Variants in RERE observed in about 807,000 individuals in gnomAD.
RERE encodes the protein arginine-glutamic acid dipeptide repeats protein.
In RERE, 40 loss-of-function variants were observed where a neutral mutation model predicts 146.1. The ratio of observed to expected loss-of-function variants is 0.27; its 90% CI spans 0.21 to 0.36. The LOEUF is 0.36. Ranked by LOEUF, RERE falls within the 10% of genes least tolerant of loss-of-function variation. The pLI, the probability that RERE is intolerant of heterozygous loss-of-function variation, is 1.00. For synonymous variants in RERE, 1,003 were observed against 866.0 expected (o/e 1.16, Z -2.78); for missense variants, 1,933 against 2,138.7 (o/e 0.90, Z 1.90).
In RERE at chr1:8,644,486, C is replaced by T. The variant is rs555559421; in HGVS notation, c.325+11487G>A. 2.1e-4 allele frequency among the ~76,000 whole-genome samples: 32 copies of T among 152,266 alleles called. 1 individual carries two copies. In the South Asian group the frequency reaches 6.4e-3, roughly 31 times the overall value. On this transcript the variant is annotated intron_variant, in intron 2 of 22. Coordinates refer to ENST00000400908, the MANE Select transcript of RERE (RefSeq NM_001042681.2). The stretch of plus-strand genomic sequence containing the variant: ...TGAGCCACTCTAACAACACATTGCC[C>T]TTTGTGTTATGTGATCAATGTACAC...
intron 12 of RERE, among the ~76,000 whole-genome samples, chr1:8,368,265 A>G (rs1275929223): frequency 6.6e-6 from 1 of 151,962 alleles, no homozygotes; most frequent in East Asian, 1.9e-4. Context: ...AGGTCAGGAG[A>G]TTGAGACCAT....
chr1:8,714,841 G>A lies in RERE; in HGVS notation c.-144-58400C>T, dbSNP rs555281388. Among the ~76,000 whole-genome samples, 234 of 152,144 alleles carry A rather than the reference G, an allele frequency of 1.5e-3. 4 individuals are homozygous for A. Among genetic ancestry groups the A allele is most frequent in the African/African-American group, 5.3e-3 (222 of 41,530 alleles). ...AAAGAGAGACAATTATTAATTCCAGGAAAGAAGTTGTACAAGAAATGTAAT... is the reference window on the plus strand; with the variant it reads ...AAAGAGAGACAATTATTAATTCCAGAAAAGAAGTTGTACAAGAAATGTAAT... On this transcript the variant is annotated intron_variant, in intron 1 of 22. Transcript: ENST00000400908.
chr1:8,725,469 G>C (rs1391579782), intron 1 of RERE, among the ~76,000 whole-genome samples: 1 of 152,148 alleles, frequency 6.6e-6, no homozygotes. Flanking sequence ...AGGAGGCTGA[G>C]GCAGGAGAAT....
intron 6 of RERE, among the ~76,000 whole-genome samples, chr1:8,544,948 C>T (rs1424409180): frequency 6.6e-6 from 1 of 152,140 alleles, no homozygotes. Flanking sequence ...TTTTACAAAT[C>T]AACTCGTGAT....
chr1:8,729,208 G>A (rs1315436346), intron 1 of RERE, among the ~76,000 whole-genome samples: 2 of 140,632 alleles, frequency 1.4e-5, no homozygotes, highest in Non-Finnish European at 3.1e-5. Context: ...TTAGAAGTCA[G>A]CTACACCGAT....
intron 10 of RERE, among the ~76,000 whole-genome samples, chr1:8,489,196 A>G (rs1057410042): frequency 6.6e-6 from 1 of 151,844 alleles, no homozygotes; most frequent in Admixed American, 6.6e-5. Flanking sequence ...ACAAACAAAC[A>G]AACAAAAACT....
intron 2 of RERE, among the ~76,000 whole-genome samples, chr1:8,626,645 A>T (rs1398740591): frequency 1.3e-5 from 2 of 152,148 alleles, no homozygotes; most frequent in African/African-American, 4.8e-5. Flanking sequence ...GGCTGGAGAG[A>T]TGTCAGCCCC....
At chr1:8,630,834 T>C (rs190341919) in intron 2 of RERE, among the ~76,000 whole-genome samples, 1 of 152,372 alleles carries the variant, frequency 6.6e-6, no homozygotes, top group Admixed American at 6.5e-5. Context: ...ACCCTTACTC[T>C]GTTTATCAAC....
At chr1:8,467,464 G>A (rs1157744508) in intron 10 of RERE, among the ~76,000 whole-genome samples, 1 of 152,196 alleles carries the variant, frequency 6.6e-6, no homozygotes, top group African/African-American at 2.4e-5. Context: ...AGACTCCGGA[G>A]GACATGCAGA....
intron 1 of RERE, among the ~76,000 whole-genome samples, chr1:8,777,695 C>A (rs1017562743): frequency 3.4e-5 from 5 of 146,580 alleles, no homozygotes; most frequent in African/African-American, 1.2e-4. Flanking sequence ...CCACCACACC[C>A]GGCTACTTTT....
intron 1 of RERE, among the ~76,000 whole-genome samples, chr1:8,689,800 G>C (rs1283078857): frequency 5.3e-5 from 8 of 151,884 alleles, no homozygotes; most frequent in Non-Finnish European, 1.2e-4. Context: ...CTACTAACAG[G>C]CTTAGTTAGC....
chr1:8,741,845 T>A (rs1640316657), intron 1 of RERE, among the ~76,000 whole-genome samples: 1 of 152,226 alleles, frequency 6.6e-6, no homozygotes, highest in African/African-American at 2.4e-5. Flanking sequence ...TTATATCTGA[T>A]ATGTTGATCA....
At position 8,354,415 on chromosome 1, in the gene RERE, T is replaced by C. The variant is rs1160490130; in HGVS notation, c.*672A>G. 6.6e-6 allele frequency: 1 copy of C among 152,486 alleles called. No homozygotes were observed. The highest frequency in any genetic ancestry group is 1.5e-5 in the Non-Finnish European group (1 of 68,046). The allele number at this position is 152,486 out of a possible 1,614,324, so 9.4% of individuals were successfully genotyped here. A position where few individuals can be genotyped will look rare whatever the true frequency, so the allele number is the denominator to read the frequency against. On this transcript the variant is annotated 3_prime_UTR_variant, in exon 23 of 23. Transcript: ENST00000400908. Reference sequence around the variant, plus strand: ...CCCTTTAATTAAAGGGATAATTATATATAACTTTTTATTAAAAAATCAACT... The same window carrying C: ...CCCTTTAATTAAAGGGATAATTATACATAACTTTTTATTAAAAAATCAACT...
Position 8,659,400 on chromosome 1 carries a change from T to C in RERE, c.-144-2959A>G, listed in dbSNP as rs111723462. Among the ~76,000 whole-genome samples, 264 of 152,212 alleles carry C rather than the reference T, an allele frequency of 1.7e-3. 1 individual carries two copies. The highest frequency in any genetic ancestry group is 5.1e-3 in the African/African-American group (212 of 41,530). ...GGCGAAACCCTGTCTCTACTAAAAA[T>C]ACAAAAATTAGCTGGGTGCAGTGAT... is the stretch of plus-strand genomic sequence containing the variant. On this transcript the variant is annotated intron_variant, in intron 1 of 22. Transcript: ENST00000400908.
At chr1:8,557,806 T>G (rs1646025266) in intron 4 of RERE, among the ~76,000 whole-genome samples, 1 of 152,220 alleles carries the variant, frequency 6.6e-6, no homozygotes, top group South Asian at 2.1e-4. Flanking sequence ...GTTTAACTAA[T>G]CCATTCAAAA....
At chr1:8,810,884 T>C (rs1161421539) in intron 1 of RERE, among the ~76,000 whole-genome samples, 1 of 152,148 alleles carries the variant, frequency 6.6e-6, no homozygotes, top group African/African-American at 2.4e-5. Flanking sequence ...CGGGAAACAC[T>C]GACTTGGGTA....
rs747719582 is a variant in RERE at position 8,360,565 on chromosome 1, G to A, written c.2942C>T (p.Pro981Leu). ...TTGCAGGGGTGGGGGGTGAGCCGACGGGGGGTGATGTGTGGACAGGGAGCT... is the reference window on the plus strand; with the variant it reads ...TTGCAGGGGTGGGGGGTGAGCCGACAGGGGGTGATGTGTGGACAGGGAGCT... ...PLSSLSTHHP[P>L]SAHPPPLQLM... Residue 981 changes from proline to leucine, a missense_variant, in exon 18 of 23, where the codon CCG (proline) becomes CTG (leucine). By Grantham distance (98) the Pro-to-Leu change is moderately conservative. Transcript: ENST00000400908. The A allele has an allele frequency of 4.8e-5, 63 of 1,306,766 alleles. No individual in the cohort carries two copies. Among genetic ancestry groups the A allele is most frequent in the Admixed American group, 3.0e-4 (12 of 39,642 alleles). The allele number at this position is 1,306,766 out of a possible 1,614,324, so 80.9% of individuals were successfully genotyped here. A position where few individuals can be genotyped will look rare whatever the true frequency, so the allele number is the denominator to read the frequency against.
At chr1:8,478,189 C>A (rs1644779156) in intron 10 of RERE, among the ~76,000 whole-genome samples, 2 of 152,186 alleles carry the variant, frequency 1.3e-5, no homozygotes, top group Non-Finnish European at 2.9e-5. Flanking sequence ...CTGTGGGAGA[C>A]ACAAAAATTT....
Position 8,360,419 on chromosome 1 carries a change from G to A in RERE, c.3088C>T (p.Pro1030Ser), listed in dbSNP as rs1467971154. Residue 1030 changes from proline (P) to serine (S), a missense_variant, in exon 18 of 23, where the codon CCC becomes TCC. Transcript: ENST00000400908. The stretch of plus-strand genomic sequence containing the variant: ...GGGTGCTGAGCAAACGGGGGTTGGG[G>A]GGCCACCTGGTGGAGGCCTGTAGGG... ...HPPTGLHQVA[P>S]QPPFAQHPFV... 134 of 1,095,982 alleles carry A rather than the reference G, an allele frequency of 1.2e-4. No homozygotes were observed. Among genetic ancestry groups the A allele is most frequent in the Non-Finnish European group, 1.5e-4 (128 of 868,672 alleles). 67.9% of individuals were successfully genotyped at this position (1,095,982 alleles called of 1,614,324 possible).
Sources: allele counts gnomAD v4.1 joint callset (sites outside exome capture counted in the v4.1 genomes callset), GRCh38; gene constraint gnomAD v4.1.1; transcripts MANE v1.5; gene names NCBI Gene and HGNC (gene_info 2026-07-23, HGNC 2026-07-21).